Variants in SLC24A2 observed in about 807,000 individuals in gnomAD.
SLC24A2 encodes the protein sodium/potassium/calcium exchanger 2.
A neutral mutation model predicts 62.0 loss-of-function variants in SLC24A2; 36 were observed. The observed-to-expected ratio is 0.58, with a 90% CI of 0.44 to 0.77. The LOEUF is 0.77. Ranked by LOEUF, SLC24A2 falls within the 30% of genes least tolerant of loss-of-function variation. SLC24A2 has a pLI of 0.00. For synonymous variants in SLC24A2, 358 were observed against 294.0 expected, an observed-to-expected ratio of 1.22 and a Z score of -2.23; for missense variants, 846 against 817.9, an observed-to-expected ratio of 1.03 and a Z score of -0.42.
chr9:19,871,351 TG>T, the SLC24A2 span, among the ~76,000 whole-genome samples: 1 of 152,342 alleles, frequency 6.6e-6, no homozygotes, highest in African/African-American at 2.4e-5. Flanking sequence ...CTTATGTTGA[TG>T]GTACTTTGGG....
chr9:19,722,395 T>C lies in SLC24A2; in HGVS notation c.930+63542A>G, dbSNP rs969580777. Among the ~76,000 whole-genome samples the C allele has an allele frequency of 2.0e-5, 3 of 152,124 alleles. No homozygotes were observed. The South Asian group carries it at 6.2e-4, about 31-fold the overall frequency. ...TTTTGGTATCACTTTAAAATAAAAA[T>C]ATTATGACTTTCTATATAATAACAA... is the stretch of plus-strand genomic sequence containing the variant. On this transcript the variant is annotated intron_variant, in intron 2 of 10. Coordinates refer to ENST00000341998, the MANE Select transcript of SLC24A2 (RefSeq NM_020344.4).
chr9:19,820,058 C>CATATATATAT, the SLC24A2 span, among the ~76,000 whole-genome samples: 2 of 34,642 alleles, frequency 5.8e-5, no homozygotes, highest in Middle Eastern at 0.016. Context: ...TATATATACA[C>CATATATATAT]ATATATATAT....
the SLC24A2 span, among the ~76,000 whole-genome samples, chr9:19,835,857 A>T: frequency 6.6e-6 from 1 of 152,170 alleles, no homozygotes; most frequent in Non-Finnish European, 1.5e-5. Flanking sequence ...GTGAAAGAAC[A>T]GAAATTACAA....
chr9:19,516,241 C>A lies in SLC24A2; in HGVS notation c.1898G>T (p.Gly633Val). Residue 633 changes from glycine (G) to valine (V), a missense_variant, in exon 11 of 11, where the codon GGC (glycine) becomes GTC (valine). Transcript: ENST00000341998. ...LCKWRMNKIL[G>V]FIMFGLYFVF... Reference sequence around the variant, plus strand: ...AAAGTAGAGGCCAAACATGATGAAGCCCAGGATTTTGTTCATTCGCCACTT... The same window carrying A: ...AAAGTAGAGGCCAAACATGATGAAGACCAGGATTTTGTTCATTCGCCACTT... 6.2e-7 allele frequency: 1 copy of A among 1,614,126 alleles called. No individual in the cohort carries two copies. Among genetic ancestry groups the A allele is most frequent in the South Asian group, 1.1e-5 (1 of 91,078 alleles).
At chr9:19,853,091 A>T in the SLC24A2 span, among the ~76,000 whole-genome samples, 1 of 151,966 alleles carries the variant, frequency 6.6e-6, no homozygotes, top group African/African-American at 2.4e-5. Flanking sequence ...GTGAATAAAA[A>T]TTCATTAATA....
chr9:20,175,696 A>G, the SLC24A2 span, among the ~76,000 whole-genome samples: 61,466 of 151,798 alleles, frequency 0.4, 13,263 homozygotes, highest in Middle Eastern at 0.61. Context: ...TTAGTATTTT[A>G]GGAGAAAGAA....
the SLC24A2 span, among the ~76,000 whole-genome samples, chr9:19,981,420 C>A: frequency 2.0e-5 from 3 of 152,218 alleles, no homozygotes; most frequent in African/African-American, 7.2e-5. Context: ...ACAAACAGAC[C>A]TAAGCAAACA....
At chr9:19,519,347 C>T (rs928838528) in intron 10 of SLC24A2, among the ~76,000 whole-genome samples, 1 of 114,078 alleles carries the variant, frequency 8.8e-6, no homozygotes, top group East Asian at 3.3e-4. Context: ...CTTTAAACTT[C>T]CTTGTGTGTG....
upstream of SLC24A2, among the ~76,000 whole-genome samples, chr9:19,792,334 A>G: frequency 6.6e-6 from 1 of 151,996 alleles, no homozygotes; most frequent in South Asian, 2.1e-4. Context: ...ATTGTTTTTG[A>G]CTTGACATTC....
the SLC24A2 span, among the ~76,000 whole-genome samples, chr9:20,162,791 T>C: frequency 1.3e-5 from 2 of 152,098 alleles, no homozygotes; most frequent in African/African-American, 2.4e-5. Context: ...CATGATCAAG[T>C]GGGCTTCATC....
chr9:19,571,466 C>T lies in SLC24A2; in HGVS notation c.1347+1885G>A, dbSNP rs867624224. Reference sequence around the variant, plus strand: ...CTGTAGTCTGGTTTCTATTTGCAGGCACTGTATCACTTTTCAGCTCATTGG... The same window carrying T: ...CTGTAGTCTGGTTTCTATTTGCAGGTACTGTATCACTTTTCAGCTCATTGG... On this transcript the variant is annotated intron_variant, in intron 7 of 10. Transcript: ENST00000341998. 2.6e-5 allele frequency among the ~76,000 whole-genome samples: 4 copies of T among 152,088 alleles called. No individual in the cohort carries two copies. The South Asian group carries it at 8.3e-4, about 32-fold the overall frequency.
At chr9:20,153,348 C>T in the SLC24A2 span, among the ~76,000 whole-genome samples, 3 of 151,806 alleles carry the variant, frequency 2.0e-5, no homozygotes, top group Non-Finnish European at 4.4e-5. Flanking sequence ...TGGAACCAAA[C>T]AACTCCCTGC....
At chr9:20,066,452 T>C in the SLC24A2 span, among the ~76,000 whole-genome samples, 2 of 152,212 alleles carry the variant, frequency 1.3e-5, no homozygotes, top group Non-Finnish European at 2.9e-5. Flanking sequence ...GTTGGCTTAA[T>C]GCACATCTTC....
chr9:20,272,438 C>A, the SLC24A2 span, among the ~76,000 whole-genome samples: 43 of 152,206 alleles, frequency 2.8e-4, no homozygotes, highest in African/African-American at 1.0e-3. Flanking sequence ...ATTCCAACTC[C>A]ACAAATGTAA....
the SLC24A2 span, among the ~76,000 whole-genome samples, chr9:19,963,360 T>G: frequency 0.04 from 6,074 of 151,076 alleles, 126 homozygotes; most frequent in African/African-American, 0.048. Flanking sequence ...AAGCCAAAAT[T>G]GACAAATGGG....
chr9:20,210,774 G>T, the SLC24A2 span, among the ~76,000 whole-genome samples: 2 of 150,222 alleles, frequency 1.3e-5, no homozygotes, highest in South Asian at 4.3e-4. Flanking sequence ...ATAGTGCTGG[G>T]ATTACAGGTG....
chr9:19,579,220 A>C (rs1009090037), intron 5 of SLC24A2, among the ~76,000 whole-genome samples: 4 of 152,214 alleles, frequency 2.6e-5, no homozygotes, highest in Admixed American at 6.5e-5. Flanking sequence ...GAACAAGAAC[A>C]GAAAGGAAAA....
At chr9:20,110,774 A>T in the SLC24A2 span, among the ~76,000 whole-genome samples, 1 of 152,362 alleles carries the variant, frequency 6.6e-6, no homozygotes, top group Admixed American at 6.5e-5. Flanking sequence ...TTGAAAAATT[A>T]TAGTTTCATA....
At chr9:20,249,120 A>G in the SLC24A2 span, among the ~76,000 whole-genome samples, 1 of 152,186 alleles carries the variant, frequency 6.6e-6, no homozygotes, top group South Asian at 2.1e-4. Flanking sequence ...GGGTAAGTTG[A>G]TTAATCTCTC....
Sources: gnomAD v4.1 joint callset for allele counts (sites outside exome capture counted in the v4.1 genomes callset) on GRCh38, gnomAD v4.1.1 for gene constraint, MANE v1.5 for transcripts, NCBI Gene and HGNC (gene_info 2026-07-23, HGNC 2026-07-21) for gene names.